The following DCAF8L2 variants were observed in gnomAD, a reference collection of about 807,000 sequenced individuals.
The protein encoded by DCAF8L2 is DDB1 and CUL4 associated factor 8 like 2, also known as DDB1- and CUL4-associated factor 8-like protein 2.
For synonymous variants in DCAF8L2, 200 were observed against 190.9 expected (o/e 1.05, Z -0.39); for missense variants, 430 against 490.7 (o/e 0.88, Z 1.17).
chrX:27,493,706 CA>C, the DCAF8L2 span, among the ~76,000 whole-genome samples: 1,839 of 18,302 alleles, frequency 0.1, 21 homozygotes, highest in African/African-American at 0.23. Context: ...AACTCCATCT[CA>C]AAAAAAAAAA....
At chrX:27,708,957 C>T (rs1406286069) in intron 3 of DCAF8L2, among the ~76,000 whole-genome samples, 1 of 112,525 alleles carries the variant, frequency 8.9e-6, no homozygotes. Context: ...ACTCTTGTTG[C>T]ACAGGCTGGA....
chrX:27,530,565 T>C, the DCAF8L2 span, among the ~76,000 whole-genome samples: 2 of 111,080 alleles, frequency 1.8e-5, no homozygotes, highest in African/African-American at 3.3e-5. Flanking sequence ...GAGGTAATTG[T>C]ATTTAAGTTT....
intron 3 of DCAF8L2, among the ~76,000 whole-genome samples, chrX:27,684,899 T>C (rs1381459353): frequency 1.8e-5 from 2 of 111,575 alleles, no homozygotes; most frequent in Non-Finnish European, 3.8e-5. Flanking sequence ...GTTACAAACA[T>C]TGTGACTTTC....
chrX:27,744,153 A>G, intron 4 of DCAF8L2, among the ~76,000 whole-genome samples: 1 of 111,720 alleles, frequency 9.0e-6, no homozygotes, highest in East Asian at 2.8e-4. Flanking sequence ...GTATCACAGG[A>G]AGATCACAAT....
upstream of DCAF8L2, among the ~76,000 whole-genome samples, chrX:27,585,859 A>G (rs1284014616): frequency 8.9e-6 from 1 of 111,732 alleles, no homozygotes; most frequent in African/African-American, 3.3e-5. Flanking sequence ...AACTCTCAGT[A>G]AGAAAACCTC....
chrX:27,670,074 C>G (rs1158038897), intron 2 of DCAF8L2, among the ~76,000 whole-genome samples: 2 of 110,321 alleles, frequency 1.8e-5, no homozygotes, highest in African/African-American at 3.3e-5. Context: ...ACAAATTTCT[C>G]TAGTCTCAAT....
At chrX:27,598,764 C>T (rs943175746) in intron 1 of DCAF8L2, among the ~76,000 whole-genome samples, 1 of 110,094 alleles carries the variant, frequency 9.1e-6, no homozygotes, top group Non-Finnish European at 1.9e-5. Flanking sequence ...TAACTCTGCT[C>T]GGTATCTCCC....
At chrX:27,533,172 A>AAGAGAGAGAGAGAGAGAGAGAGAG in the DCAF8L2 span, among the ~76,000 whole-genome samples, 1 of 13,310 alleles carries the variant, frequency 7.5e-5, no homozygotes, top group East Asian at 0.012. Context: ...GAGAGAAAGA[A>AAGAGAGAGAGAGAGAGAGAGAGAG]AGAAAGAAAG....
chrX:27,563,065 A>G, the DCAF8L2 span, among the ~76,000 whole-genome samples: 3 of 111,593 alleles, frequency 2.7e-5, no homozygotes, highest in East Asian at 8.4e-4. Context: ...ATGCAGGGTT[A>G]ATTTTCTCTT....
At chrX:27,633,021 G>A (rs1928354170) in intron 2 of DCAF8L2, 1 of 111,709 alleles carries the variant, frequency 9.0e-6, no homozygotes, top group Non-Finnish European at 1.9e-5. Context: ...TGTTAATGAA[G>A]TCCGTATATC....
At chrX:27,495,485 G>A in the DCAF8L2 span, among the ~76,000 whole-genome samples, 5 of 111,814 alleles carry the variant, frequency 4.5e-5, no homozygotes, top group Non-Finnish European at 7.5e-5. Flanking sequence ...GAATCTGTAG[G>A]TATACCTAAA....
intron 1 of DCAF8L2, among the ~76,000 whole-genome samples, chrX:27,629,177 T>C (rs948526468): frequency 9.0e-6 from 1 of 111,692 alleles, no homozygotes; most frequent in Admixed American, 9.5e-5. Context: ...CTTTTCATTC[T>C]GTTGATTGTT....
intron 3 of DCAF8L2, among the ~76,000 whole-genome samples, chrX:27,714,679 C>A (rs1931637059): frequency 1.8e-5 from 2 of 111,707 alleles, no homozygotes; most frequent in East Asian, 5.7e-4. Flanking sequence ...GTAATAGCAA[C>A]AAGCATACAG....
At chrX:27,479,966 T>A in the DCAF8L2 span, among the ~76,000 whole-genome samples, 2 of 111,908 alleles carry the variant, frequency 1.8e-5, no homozygotes, top group African/African-American at 6.5e-5. Context: ...TAAAGTGTTT[T>A]GTGCTTATGT....
At position 27,712,108 on chromosome X, in the gene DCAF8L2, G is replaced by A. The variant is rs1011711600; in HGVS notation, c.-142-3980G>A. 2.7e-5 allele frequency among the ~76,000 whole-genome samples: 3 copies of A among 110,985 alleles called. No homozygotes were observed. The South Asian group carries it at 1.1e-3, about 42-fold the overall frequency. On this transcript the variant is annotated intron_variant, in intron 3 of 4. Transcript: ENST00000451261. ...ATTTTTTATTATTAATATAGCTAGG[G>A]GTTGTGAATTTTGTTGATATTTTCC...
chrX:27,562,785 T>C, the DCAF8L2 span, among the ~76,000 whole-genome samples: 2 of 112,060 alleles, frequency 1.8e-5, no homozygotes, highest in Non-Finnish European at 3.8e-5. Context: ...GCGACTTTGA[T>C]AAAGGTATTC....
At chrX:27,668,021 G>T (rs1337785424) in intron 2 of DCAF8L2, among the ~76,000 whole-genome samples, 1 of 111,738 alleles carries the variant, frequency 8.9e-6, no homozygotes, top group Non-Finnish European at 1.9e-5. Flanking sequence ...TGATGGCTAT[G>T]GTTCTGAAGG....
chrX:27,734,420 C>T (rs1025526124), intron 4 of DCAF8L2, among the ~76,000 whole-genome samples: 6 of 110,865 alleles, frequency 5.4e-5, no homozygotes, highest in Non-Finnish European at 1.1e-4. Context: ...GAGAGAGCAA[C>T]AGGGTCTGTA....
the DCAF8L2 span, chrX:27,517,848 C>T: frequency 9.3e-7 from 1 of 1,071,439 alleles, no homozygotes; most frequent in Non-Finnish European, 1.3e-6. Flanking sequence ...TCACGGCCTG[C>T]TTTAACATTC....
Sources: allele counts gnomAD v4.1 joint callset (sites outside exome capture counted in the v4.1 genomes callset), GRCh38; gene constraint gnomAD v4.1.1; transcripts MANE v1.5; gene names NCBI Gene and HGNC (gene_info 2026-07-23, HGNC 2026-07-21).